The following ATRNL1 variants were observed in gnomAD, a reference collection of about 807,000 sequenced individuals.
ATRNL1 encodes the protein attractin-like protein 1.
Under a neutral mutation model 182.7 loss-of-function variants are expected in ATRNL1, and 95 were observed. The ratio of observed to expected loss-of-function variants is 0.52; its 90% CI spans 0.44 to 0.62. The LOEUF (loss-of-function observed/expected upper bound fraction) is 0.62, where lower values mean the gene tolerates loss of function less well. Among genes scored for constraint, ATRNL1 ranks in the 20% least tolerant of loss-of-function variants. ATRNL1 has a pLI of 0.00. For synonymous variants in ATRNL1, 576 were observed against 568.3 expected (o/e 1.01, Z -0.19); for missense variants, 1,471 against 1,679.5 (o/e 0.88, Z 2.17).
intron 24 of ATRNL1, among the ~76,000 whole-genome samples, chr10:115,508,618 G>T (rs1443315681): frequency 6.6e-6 from 1 of 151,966 alleles, no homozygotes; most frequent in Non-Finnish European, 1.5e-5. Context: ...TTAGTTGTCC[G>T]AATATAAGAT....
At chr10:115,753,329 C>A (rs1185627370) in intron 27 of ATRNL1, among the ~76,000 whole-genome samples, 2 of 15,306 alleles carry the variant, frequency 1.3e-4, no homozygotes, top group African/African-American at 1.6e-4. Context: ...TCCCCTAGTG[C>A]CTCATTCCCC....
In ATRNL1 at chr10:115,549,482, G is replaced by T; in HGVS notation, c.3741G>T (p.Val1247=). ...FFSCFLSLLL[V]AAVVWKIKQT... is the part of the protein sequence containing the mutation. ...GTTGTTTCCTATCCTTATTGCTGGTGGCTGCTGTGGTATGGAAGATCAAAC... is the reference window on the plus strand; with the variant it reads ...GTTGTTTCCTATCCTTATTGCTGGTTGCTGCTGTGGTATGGAAGATCAAAC... The change falls in exon 26 of 29, where the codon GTG becomes GTT. Residue 1247 remains valine, a synonymous_variant. Transcript: ENST00000355044. The T allele has an allele frequency of 1.2e-6, 2 of 1,601,790 alleles. No homozygotes were observed. The highest frequency in any genetic ancestry group is 1.3e-5 in the African/African-American group (1 of 74,482).
At chr10:115,239,746 G>T (rs1554902408) in intron 9 of ATRNL1, among the ~76,000 whole-genome samples, 1 of 152,152 alleles carries the variant, frequency 6.6e-6, no homozygotes, top group East Asian at 1.9e-4. Flanking sequence ...GAGGTGGGAT[G>T]AAGGCTATTG....
chr10:115,774,422 T>A (rs1455181019), intron 27 of ATRNL1, among the ~76,000 whole-genome samples: 1 of 38,668 alleles, frequency 2.6e-5, no homozygotes, highest in Non-Finnish European at 4.3e-5. Context: ...CAAGACTCCA[T>A]CTCAAAAAAA....
intron 24 of ATRNL1, among the ~76,000 whole-genome samples, chr10:115,479,183 A>G (rs1452732265): frequency 6.6e-6 from 1 of 151,598 alleles, no homozygotes; most frequent in African/African-American, 2.4e-5. Flanking sequence ...ACTTGTTAAT[A>G]CTGTACCAAA....
chr10:115,595,114 C>A (rs1856155358), intron 26 of ATRNL1, among the ~76,000 whole-genome samples: 1 of 152,124 alleles, frequency 6.6e-6, no homozygotes, highest in African/African-American at 2.4e-5. Context: ...TCCACTAAGT[C>A]TCCTCCCAAT....
At chr10:115,270,287 AT>A (rs1564868263) in intron 13 of ATRNL1, among the ~76,000 whole-genome samples, 2 of 143,978 alleles carry the variant, frequency 1.4e-5, no homozygotes, top group African/African-American at 2.6e-5. Flanking sequence ...ATATATAAAC[AT>A]TTGTTTATAT....
chr10:115,892,707 T>C (rs1002208216), intron 28 of ATRNL1, among the ~76,000 whole-genome samples: 5 of 152,226 alleles, frequency 3.3e-5, no homozygotes, highest in African/African-American at 9.6e-5. Context: ...GAATTCCGAT[T>C]GAAATCATTC....
chr10:115,161,882 T>A (rs2144015092), intron 6 of ATRNL1, among the ~76,000 whole-genome samples: 1 of 152,240 alleles, frequency 6.6e-6, no homozygotes, highest in African/African-American at 2.4e-5. Flanking sequence ...CTTGATTTAA[T>A]CATCTTCTAT....
At chr10:115,391,918 T>A (rs1169839803) in intron 19 of ATRNL1, among the ~76,000 whole-genome samples, 1 of 152,150 alleles carries the variant, frequency 6.6e-6, no homozygotes, top group Non-Finnish European at 1.5e-5. Flanking sequence ...TTGTTGCAGT[T>A]ATCTTCATTT....
At chr10:115,640,599 C>T (rs1227341497) in intron 26 of ATRNL1, among the ~76,000 whole-genome samples, 1 of 152,058 alleles carries the variant, frequency 6.6e-6, no homozygotes, top group Admixed American at 6.6e-5. Flanking sequence ...CTGTTCATAT[C>T]CTTTACCCAC....
intron 21 of ATRNL1, among the ~76,000 whole-genome samples, chr10:115,446,276 A>G (rs1554966679): frequency 6.6e-6 from 1 of 152,020 alleles, no homozygotes; most frequent in African/African-American, 2.4e-5. Context: ...TATTTGACCT[A>G]CATAGCACTA....
At chr10:115,463,472 T>C (rs1177588442) in intron 22 of ATRNL1, among the ~76,000 whole-genome samples, 1 of 152,184 alleles carries the variant, frequency 6.6e-6, no homozygotes, top group African/African-American at 2.4e-5. Context: ...AAAGTTTTTA[T>C]ACCTGCATTA....
chr10:115,593,293 C>A (rs563670253), intron 26 of ATRNL1, among the ~76,000 whole-genome samples: 1 of 152,294 alleles, frequency 6.6e-6, no homozygotes, highest in African/African-American at 2.4e-5. Flanking sequence ...CCAAAGCAAT[C>A]TTGAGCAAAA....
At chr10:115,719,662 T>G (rs1947359141) in intron 26 of ATRNL1, among the ~76,000 whole-genome samples, 1 of 152,158 alleles carries the variant, frequency 6.6e-6, no homozygotes. Flanking sequence ...GGATATTATT[T>G]TACTTTTCTT....
At chr10:115,486,630 T>C (rs1849040132) in intron 24 of ATRNL1, among the ~76,000 whole-genome samples, 1 of 152,050 alleles carries the variant, frequency 6.6e-6, no homozygotes, top group Non-Finnish European at 1.5e-5. Context: ...TTCCTTGTAG[T>C]CTGGATATTA....
At chr10:115,358,167 T>G (rs186328066) in intron 19 of ATRNL1, among the ~76,000 whole-genome samples, 2 of 151,690 alleles carry the variant, frequency 1.3e-5, no homozygotes, top group Non-Finnish European at 3.0e-5. Flanking sequence ...AATTAATGCA[T>G]GAATGCTCTC....
At chr10:115,832,818 C>G (rs1054167423) in intron 27 of ATRNL1, among the ~76,000 whole-genome samples, 1 of 152,112 alleles carries the variant, frequency 6.6e-6, no homozygotes, top group Non-Finnish European at 1.5e-5. Context: ...GCATCTCTGT[C>G]TCAACCTTTT....
At chr10:115,532,555 A>G (rs1478119075) in intron 25 of ATRNL1, among the ~76,000 whole-genome samples, 4 of 151,792 alleles carry the variant, frequency 2.6e-5, no homozygotes, top group Non-Finnish European at 5.9e-5. Context: ...TAGATATACA[A>G]TCATGTCGTC....
Sources: gnomAD v4.1 joint callset for allele counts (sites outside exome capture counted in the v4.1 genomes callset) on GRCh38, gnomAD v4.1.1 for gene constraint, MANE v1.5 for transcripts, NCBI Gene and HGNC (gene_info 2026-07-23, HGNC 2026-07-21) for gene names.